Variants in OPCML observed in about 807,000 individuals in gnomAD.
OPCML encodes opioid binding protein/cell adhesion molecule like, also known as opioid-binding protein/cell adhesion molecule.
Under a neutral mutation model 37.8 loss-of-function variants are expected in OPCML, and 13 were observed. That is an observed-to-expected ratio of 0.34 (90% CI 0.22 to 0.55). The LOEUF (loss-of-function observed/expected upper bound fraction) is 0.55. Among genes scored for constraint, OPCML ranks in the 20% least tolerant of loss-of-function variants. The pLI is 0.91. For missense variants in OPCML, 341 were observed against 435.6 expected, an observed-to-expected ratio of 0.78 and a Z score of 1.93; for synonymous variants, 176 against 168.8, an observed-to-expected ratio of 1.04 and a Z score of -0.33.
At chr11:133,261,185 T>C (rs1412172701) in intron 1 of OPCML, among the ~76,000 whole-genome samples, 1 of 152,222 alleles carries the variant, frequency 6.6e-6, no homozygotes, top group Non-Finnish European at 1.5e-5. Flanking sequence ...AGAAAGCTTT[T>C]GGGTGTGGGA....
chr11:133,462,094 A>G (rs557344421), intron 1 of OPCML, among the ~76,000 whole-genome samples: 201 of 152,166 alleles, frequency 1.3e-3, no homozygotes, highest in African/African-American at 4.7e-3. Context: ...ATGAAATTCA[A>G]CCCTTAATTT....
intron 3 of OPCML, among the ~76,000 whole-genome samples, chr11:132,549,536 G>T (rs1216343121): frequency 6.6e-6 from 1 of 152,136 alleles, no homozygotes; most frequent in Non-Finnish European, 1.5e-5. Flanking sequence ...AATCACTTAG[G>T]CAGATAGCGA....
At chr11:132,838,864 C>T (rs1300670343) in intron 2 of OPCML, among the ~76,000 whole-genome samples, 2 of 152,120 alleles carry the variant, frequency 1.3e-5, no homozygotes, top group African/African-American at 4.8e-5. Flanking sequence ...CAGCACCAGG[C>T]ACTGAGCACC....
chr11:133,104,193 C>T (rs1565448806), intron 1 of OPCML, among the ~76,000 whole-genome samples: 1 of 152,210 alleles, frequency 6.6e-6, no homozygotes, highest in Non-Finnish European at 1.5e-5. Flanking sequence ...AGGCATAATG[C>T]TATTCAGGGA....
chr11:133,133,072 C>T (rs996787390), intron 1 of OPCML, among the ~76,000 whole-genome samples: 1 of 152,142 alleles, frequency 6.6e-6, no homozygotes, highest in African/African-American at 2.4e-5. Context: ...AATTAAAATT[C>T]TGCCTGCAAA....
chr11:133,371,043 C>T (rs938963755), intron 1 of OPCML, among the ~76,000 whole-genome samples: 3 of 152,062 alleles, frequency 2.0e-5, no homozygotes, highest in Admixed American at 6.5e-5. Context: ...AGAAGACATA[C>T]GAATGACCAA....
At position 132,742,139 on chromosome 11, in the gene OPCML, A is replaced by G. The variant is rs556980997; in HGVS notation, c.147-84820T>C. 1.1e-4 allele frequency among the ~76,000 whole-genome samples: 17 copies of G among 152,354 alleles called. No individual in the cohort carries two copies. The East Asian group carries it at 3.3e-3, about 29-fold the overall frequency. ...GTGATTTTCTATGCTGTGAATACCC[A>G]GTCAGTGACGTAACCGCAGTCGTAT... is the stretch of plus-strand genomic sequence containing the variant. On this transcript the variant is annotated intron_variant, in intron 2 of 7. Transcript: ENST00000524381.
intron 2 of OPCML, among the ~76,000 whole-genome samples, chr11:132,791,545 T>A (rs116552697): frequency 5.3e-5 from 8 of 152,244 alleles, no homozygotes; most frequent in Admixed American, 1.3e-4. Context: ...ACTGCACACC[T>A]TAAGCCAGTT....
intron 1 of OPCML, among the ~76,000 whole-genome samples, chr11:133,247,866 C>A (rs1300144654): frequency 1.3e-5 from 2 of 152,074 alleles, no homozygotes; most frequent in African/African-American, 4.8e-5. Flanking sequence ...GCTTTGGTCT[C>A]CCAAAGTGCT....
chr11:133,302,988 T>A (rs987424920), intron 1 of OPCML, among the ~76,000 whole-genome samples: 1 of 152,304 alleles, frequency 6.6e-6, no homozygotes, highest in South Asian at 2.1e-4. Flanking sequence ...ATGCCAAGAT[T>A]TTCCATTGAC....
intron 1 of OPCML, among the ~76,000 whole-genome samples, chr11:133,388,874 G>A (rs990580251): frequency 9.9e-5 from 15 of 152,198 alleles, no homozygotes; most frequent in African/African-American, 3.4e-4. Flanking sequence ...TTGAAGATGT[G>A]TGCAAGCCAT....
intron 1 of OPCML, among the ~76,000 whole-genome samples, chr11:133,019,072 C>T (rs1947397963): frequency 6.6e-6 from 1 of 152,196 alleles, no homozygotes; most frequent in Non-Finnish European, 1.5e-5. Context: ...TCTCTGCAGG[C>T]TGGTGAGACA....
intron 1 of OPCML, among the ~76,000 whole-genome samples, chr11:133,191,508 T>TGTGG: frequency 6.8e-6 from 1 of 148,142 alleles, no homozygotes. Flanking sequence ...TGTGTGGGTG[T>TGTGG]GTGTGTGTGT....
intron 2 of OPCML, among the ~76,000 whole-genome samples, chr11:132,686,297 G>A (rs1784525): frequency 0.01 from 1,582 of 152,176 alleles, 26 homozygotes; most frequent in African/African-American, 0.037. Context: ...GCCTTGCCTC[G>A]GAAAATGGAG....
intron 1 of OPCML, among the ~76,000 whole-genome samples, chr11:133,018,856 C>T (rs1947391319): frequency 6.6e-6 from 1 of 152,246 alleles, no homozygotes; most frequent in Non-Finnish European, 1.5e-5. Flanking sequence ...TCACCAGGGT[C>T]AGCCCTTAAA....
intron 1 of OPCML, chr11:133,066,787 C>G (rs1948448237): frequency 6.6e-6 from 1 of 152,272 alleles, no homozygotes; most frequent in African/African-American, 2.4e-5. Flanking sequence ...AACCATTCTC[C>G]TGCCTCAGCC....
chr11:132,781,810 T>A (rs1210392872), intron 2 of OPCML, among the ~76,000 whole-genome samples: 1 of 151,434 alleles, frequency 6.6e-6, no homozygotes, highest in Non-Finnish European at 1.5e-5. Flanking sequence ...TTAAATAAAC[T>A]TTTAAGCCAG....
At chr11:132,925,658 G>C (rs949513969) in intron 2 of OPCML, among the ~76,000 whole-genome samples, 3 of 152,154 alleles carry the variant, frequency 2.0e-5, no homozygotes, top group Admixed American at 2.0e-4. Flanking sequence ...TCTGACTCCA[G>C]GGGTAGTTTC....
chr11:133,086,679 T>C (rs889802964), intron 1 of OPCML, among the ~76,000 whole-genome samples: 1 of 152,302 alleles, frequency 6.6e-6, no homozygotes, highest in Admixed American at 6.5e-5. Context: ...GTACCTTAGG[T>C]CCCCAGAAGC....
Sources: allele counts gnomAD v4.1 joint callset (sites outside exome capture counted in the v4.1 genomes callset), GRCh38; gene constraint gnomAD v4.1.1; transcripts MANE v1.5; gene names NCBI Gene and HGNC (gene_info 2026-07-23, HGNC 2026-07-21).